The following CNTNAP2 variants were observed in gnomAD, a reference collection of about 807,000 sequenced individuals.
CNTNAP2 encodes contactin-associated protein-like 2.
CNTNAP2 carries 98 observed loss-of-function variants against 155.2 expected under a neutral mutation model. That is an observed-to-expected ratio of 0.63 (90% CI 0.54 to 0.75). CNTNAP2 has a LOEUF of 0.75. Ranked by LOEUF, CNTNAP2 falls within the 30% of genes least tolerant of loss-of-function variation. The probability of loss-of-function intolerance (pLI) is 0.00; values close to 1 mark genes in which losing one functional copy is unlikely to be tolerated. For synonymous variants in CNTNAP2, 651 were observed against 631.2 expected (o/e 1.03, Z -0.47); for missense variants, 1,727 against 1,688.1 (o/e 1.02, Z -0.40).
intron 10 of CNTNAP2, among the ~76,000 whole-genome samples, chr7:147,471,115 A>T (rs1798208990): frequency 1.3e-5 from 2 of 152,170 alleles, no homozygotes; most frequent in African/African-American, 2.4e-5. Context: ...GGAGTAGAGG[A>T]GTGGAGACAA....
At chr7:148,336,737 C>G (rs911328917) in intron 21 of CNTNAP2, among the ~76,000 whole-genome samples, 1 of 152,182 alleles carries the variant, frequency 6.6e-6, no homozygotes, top group African/African-American at 2.4e-5. Flanking sequence ...TTGAAACTTA[C>G]TGGTTTTGAC....
At chr7:147,423,770 C>T (rs2116513583) in intron 10 of CNTNAP2, among the ~76,000 whole-genome samples, 1 of 152,300 alleles carries the variant, frequency 6.6e-6, no homozygotes, top group East Asian at 1.9e-4. Context: ...TACAACTACT[C>T]CATAATTGTG....
intron 1 of CNTNAP2, among the ~76,000 whole-genome samples, chr7:146,469,177 G>A (rs2888374): frequency 0.11 from 17,404 of 152,032 alleles, 1,062 homozygotes; most frequent in African/African-American, 0.16. Flanking sequence ...TTTACCTGTC[G>A]CCCCCTTTGG....
intron 15 of CNTNAP2, among the ~76,000 whole-genome samples, chr7:148,013,896 T>G (rs561219565): frequency 6.6e-6 from 1 of 152,182 alleles, no homozygotes; most frequent in Non-Finnish European, 1.5e-5. Context: ...AATGGAGGAC[T>G]GTGATCACGG....
chr7:147,726,027 AT>A (rs1233149314), intron 13 of CNTNAP2, among the ~76,000 whole-genome samples: 8 of 152,160 alleles, frequency 5.3e-5, no homozygotes, highest in Non-Finnish European at 1.0e-4. Flanking sequence ...CAAATACTGC[AT>A]GATTTCTCGT....
At chr7:148,194,218 A>C (rs1364816873) in intron 18 of CNTNAP2, among the ~76,000 whole-genome samples, 1 of 150,690 alleles carries the variant, frequency 6.6e-6, no homozygotes, top group South Asian at 2.1e-4. Context: ...GGCTGGTCTC[A>C]AAGTTCTGGG....
chr7:146,991,695 T>C (rs570751797), intron 3 of CNTNAP2, among the ~76,000 whole-genome samples: 2 of 152,256 alleles, frequency 1.3e-5, no homozygotes, highest in East Asian at 3.9e-4. Context: ...ATGGTGAAGA[T>C]TATTCAATTT....
In CNTNAP2 at chr7:147,172,356, T is replaced by C. The variant is rs183861641; in HGVS notation, c.1348+39847T>C. Among the ~76,000 whole-genome samples the C allele has an allele frequency of 3.9e-5, 6 of 152,278 alleles. No individual in the cohort carries two copies. In the East Asian group the frequency reaches 7.7e-4, roughly 20 times the overall value. The stretch of plus-strand genomic sequence containing the variant: ...GGGTACAATTCTCTGTAGGGCAATA[T>C]TGAATTGGTTGACTGAATGATAATT... On this transcript the variant is annotated intron_variant, in intron 8 of 23. Coordinates refer to ENST00000361727, the MANE Select transcript of CNTNAP2 (RefSeq NM_014141.6).
intron 3 of CNTNAP2, among the ~76,000 whole-genome samples, chr7:146,881,263 A>C (rs377196949): frequency 2.0e-5 from 3 of 152,128 alleles, no homozygotes; most frequent in South Asian, 4.1e-4. Flanking sequence ...GAATAATCTC[A>C]AATATGTAAA....
At chr7:147,283,325 T>C (rs1805089244) in intron 8 of CNTNAP2, among the ~76,000 whole-genome samples, 1 of 151,854 alleles carries the variant, frequency 6.6e-6, no homozygotes. Context: ...AGGCTTTTTT[T>C]TAAAAAAAAC....
At chr7:147,926,166 G>A (rs1358708312) in intron 14 of CNTNAP2, among the ~76,000 whole-genome samples, 5 of 152,064 alleles carry the variant, frequency 3.3e-5, no homozygotes, top group African/African-American at 1.2e-4. Flanking sequence ...CTAGTATGAA[G>A]AGATATTAAA....
Position 147,016,086 on chromosome 7 carries a change from T to A in CNTNAP2, c.403-27821T>A, listed in dbSNP as rs1394839982. On this transcript the variant is annotated intron_variant, in intron 3 of 23. Coordinates refer to ENST00000361727, the MANE Select transcript of CNTNAP2 (RefSeq NM_014141.6). ...CCCTTTGGGAACACCAGAAATTTGA[T>A]AATTTTCTATCTGAGTTCTAGGAGA... 2.0e-5 allele frequency among the ~76,000 whole-genome samples: 3 copies of A among 152,240 alleles called. No individual in the cohort carries two copies. In the East Asian group the frequency reaches 5.8e-4, roughly 29 times the overall value.
chr7:147,813,813 G>A (rs193208804), intron 13 of CNTNAP2, among the ~76,000 whole-genome samples: 182 of 152,252 alleles, frequency 1.2e-3, no homozygotes, highest in Non-Finnish European at 1.9e-3. Context: ...CTAGCATTTG[G>A]CCATTCCATT....
intron 18 of CNTNAP2, among the ~76,000 whole-genome samples, chr7:148,191,587 T>C (rs1795203711): frequency 6.6e-6 from 1 of 152,198 alleles, no homozygotes; most frequent in African/African-American, 2.4e-5. Context: ...TCCAGCATGG[T>C]CAGGTGCTGG....
chr7:146,166,486 A>G (rs1429516758), intron 1 of CNTNAP2, among the ~76,000 whole-genome samples: 2 of 152,168 alleles, frequency 1.3e-5, no homozygotes, highest in African/African-American at 2.4e-5. Context: ...TTTGTTTTCT[A>G]TAGACTCAGC....
intron 1 of CNTNAP2, among the ~76,000 whole-genome samples, chr7:146,235,451 AG>A (rs777432121): frequency 2.0e-5 from 3 of 152,136 alleles, no homozygotes; most frequent in Non-Finnish European, 4.4e-5. Context: ...TTTATTTGGC[AG>A]GGAAGTGGAG....
At chr7:146,435,190 A>G (rs1024194343) in intron 1 of CNTNAP2, among the ~76,000 whole-genome samples, 3 of 152,172 alleles carry the variant, frequency 2.0e-5, no homozygotes. Flanking sequence ...AAAATCTGAA[A>G]TTCAGATGGT....
intron 13 of CNTNAP2, among the ~76,000 whole-genome samples, chr7:147,671,085 G>A (rs1214593343): frequency 6.6e-6 from 1 of 152,196 alleles, no homozygotes; most frequent in Non-Finnish European, 1.5e-5. Context: ...TCCTTCCCAT[G>A]AGTGGTGGAG....
chr7:147,698,055 C>T (rs1363963332), intron 13 of CNTNAP2, among the ~76,000 whole-genome samples: 1 of 152,088 alleles, frequency 6.6e-6, no homozygotes, highest in East Asian at 1.9e-4. Context: ...AATGAGTTTT[C>T]TGCTCATGGA....
Sources: gnomAD v4.1 joint callset for allele counts (sites outside exome capture counted in the v4.1 genomes callset) on GRCh38, gnomAD v4.1.1 for gene constraint, MANE v1.5 for transcripts, NCBI Gene and HGNC (gene_info 2026-07-23, HGNC 2026-07-21) for gene names.